The following COL14A1 variants were observed in gnomAD, a reference collection of about 807,000 sequenced individuals.
The protein encoded by COL14A1 is collagen type XIV alpha 1 chain.
A neutral mutation model predicts 230.3 loss-of-function variants in COL14A1; 136 were observed. The observed-to-expected ratio is 0.59, with a 90% CI of 0.51 to 0.68. The LOEUF (loss-of-function observed/expected upper bound fraction) is 0.68. Among genes scored for constraint, COL14A1 ranks in the 30% least tolerant of loss-of-function variants. The pLI is 0.00. For missense variants in COL14A1, 1,976 were observed against 2,215.8 expected, an observed-to-expected ratio of 0.89 and a Z score of 2.17; for synonymous variants, 792 against 784.1, an observed-to-expected ratio of 1.01 and a Z score of -0.17.
Position 120,160,382 on chromosome 8 carries a change from A to G in COL14A1, c.206-2044A>G, listed in dbSNP as rs113405732. Among the ~76,000 whole-genome samples the G allele has an allele frequency of 5.8e-3, 883 of 152,184 alleles. 9 individuals carry two copies. Among genetic ancestry groups the G allele is most frequent in the African/African-American group, 0.018 (757 of 41,532 alleles). ...CTTAACTTTTTTTGATTAATTGCTG[A>G]TAATACCAAACTATTAAGTACCCCC... On this transcript the variant is annotated intron_variant, in intron 3 of 47. Transcript: ENST00000297848.
At chr8:120,267,301 T>C (rs991631439) in intron 25 of COL14A1, among the ~76,000 whole-genome samples, 1 of 151,962 alleles carries the variant, frequency 6.6e-6, no homozygotes, top group African/African-American at 2.4e-5. Context: ...GCCATTAAGG[T>C]AACTTTAAAA....
At chr8:120,221,448 T>A (rs895659699) in intron 14 of COL14A1, among the ~76,000 whole-genome samples, 1 of 152,132 alleles carries the variant, frequency 6.6e-6, no homozygotes, top group African/African-American at 2.4e-5. Flanking sequence ...TACCTAAAGG[T>A]CTTCATTAGA....
intron 19 of COL14A1, among the ~76,000 whole-genome samples, chr8:120,242,644 G>A (rs1303155030): frequency 1.3e-5 from 2 of 152,152 alleles, no homozygotes; most frequent in African/African-American, 4.8e-5. Context: ...ATAAAGCAGA[G>A]CTTCTTTGTA....
intron 1 of COL14A1, among the ~76,000 whole-genome samples, chr8:120,145,093 G>A (rs1235752767): frequency 1.3e-5 from 2 of 152,110 alleles, no homozygotes; most frequent in Non-Finnish European, 2.9e-5. Context: ...CAGTTATTTT[G>A]TTTAAAAAAA....
At chr8:120,369,528 TTTTAGTATGC>T in intron 47 of COL14A1, 43 bp downstream of exon 47, 1 of 1,487,948 alleles carries the variant, frequency 6.7e-7, no homozygotes, top group Non-Finnish European at 9.0e-7. Flanking sequence ...TTGATCAATG[TTTTAGTATGC>T]TTAGTACCAA....
In COL14A1 at chr8:120,138,736, G is replaced by A. The variant is rs997396803; in HGVS notation, c.-37-9070G>A. On this transcript the variant is annotated intron_variant, in intron 1 of 47. Coordinates refer to ENST00000297848, the MANE Select transcript of COL14A1 (RefSeq NM_021110.4). ...AATCCTTTTATGATTCTGGATGTGA[G>A]GAGGGTAGTATTTCAATAGTGAGAA... Among the ~76,000 whole-genome samples, 7 of 152,272 alleles carry A rather than the reference G, an allele frequency of 4.6e-5. No homozygotes were observed. The East Asian group carries it at 1.4e-3, about 29-fold the overall frequency.
intron 7 of COL14A1, among the ~76,000 whole-genome samples, chr8:120,199,034 C>T (rs369184802): frequency 6.2e-4 from 95 of 152,216 alleles, no homozygotes; most frequent in African/African-American, 2.1e-3. Context: ...TAGAATATCA[C>T]GAACAAAATT....
intron 14 of COL14A1, among the ~76,000 whole-genome samples, chr8:120,222,059 G>A (rs6988293): frequency 0.41 from 62,677 of 151,982 alleles, 13,264 homozygotes; most frequent in Middle Eastern, 0.49. Context: ...TAAGAGCATA[G>A]GATTTAGAGC....
chr8:120,145,874 A>G (rs7816787), intron 1 of COL14A1, among the ~76,000 whole-genome samples: 1,583 of 152,312 alleles, frequency 0.01, 28 homozygotes, highest in African/African-American at 0.036. Flanking sequence ...AAATAATAAC[A>G]AAAGATGTAT....
At chr8:120,216,098 C>G (rs927003163) in intron 13 of COL14A1, among the ~76,000 whole-genome samples, 1 of 152,070 alleles carries the variant, frequency 6.6e-6, no homozygotes, top group African/African-American at 2.4e-5. Flanking sequence ...GAAAATTTAC[C>G]TAAATCCTAT....
In COL14A1 at chr8:120,226,657, T is replaced by C. The variant is rs1286515446; in HGVS notation, c.1895T>C (p.Ile632Thr). 1 of 1,613,342 alleles carries C rather than the reference T, an allele frequency of 6.2e-7. No homozygotes were observed. ...EEVPAQQYLE[I>T]DEVTTDSFRV... Reference sequence around the variant, plus strand: ...GTTCCAGCCCAGCAATACTTAGAAATTGATGAGGTGACGACAGACAGTTTT... The same window carrying C: ...GTTCCAGCCCAGCAATACTTAGAAACTGATGAGGTGACGACAGACAGTTTT... The change falls in exon 16 of 48, where the codon ATT (isoleucine) becomes ACT (threonine). Residue 632 changes from isoleucine to threonine, a missense_variant. Around this residue, in one of 3 missense-constraint regions of COL14A1, gnomAD observed 1,791 missense variants for 2,019.5 expected, o/e 0.89. Transcript: ENST00000297848.
At chr8:120,343,840 A>C (rs915609694) in intron 44 of COL14A1, among the ~76,000 whole-genome samples, 2 of 152,212 alleles carry the variant, frequency 1.3e-5, no homozygotes, top group Admixed American at 1.3e-4. Flanking sequence ...TTCTGATTTC[A>C]AGTGTACAAT....
chr8:120,252,850 G>A (rs1311636024), intron 22 of COL14A1, among the ~76,000 whole-genome samples: 2 of 152,024 alleles, frequency 1.3e-5, no homozygotes, highest in Non-Finnish European at 2.9e-5. Context: ...AGACCCCAGC[G>A]CCCCCCGATT....
At chr8:120,249,689 A>G (rs541779214) in intron 21 of COL14A1, among the ~76,000 whole-genome samples, 1 of 152,292 alleles carries the variant, frequency 6.6e-6, no homozygotes, top group African/African-American at 2.4e-5. Context: ...ACATGCTACA[A>G]TGGACAGTAC....
chr8:120,262,032 C>A (rs1428557955), intron 23 of COL14A1, among the ~76,000 whole-genome samples: 2 of 152,040 alleles, frequency 1.3e-5, no homozygotes, highest in Admixed American at 1.3e-4. Flanking sequence ...GCTTCTGAGA[C>A]CCATACCTGT....
At chr8:120,276,604 G>C (rs561602679) in intron 26 of COL14A1, among the ~76,000 whole-genome samples, 1 of 151,848 alleles carries the variant, frequency 6.6e-6, no homozygotes, top group East Asian at 2.0e-4. Context: ...TTCTGTCCTT[G>C]TGATAGTTTG....
rs376034648 is a variant in COL14A1 at position 120,168,256 on chromosome 8, C to T, written c.436+9C>T. 2.5e-4 allele frequency: 397 copies of T among 1,591,564 alleles called. 4 individuals carry two copies. In the South Asian group the frequency reaches 3.9e-3, roughly 16 times the overall value. ...ACCATCTTCACCAGAAGGTCAGAGA[C>T]GATTTTAATTAACTCATATTGGGAG... On this transcript the variant is annotated intron_variant, in intron 5 of 47. Transcript: ENST00000297848.
chr8:120,334,581 CAA>C (rs375730013), intron 42 of COL14A1, among the ~76,000 whole-genome samples: 2,257 of 129,502 alleles, frequency 0.017, 32 homozygotes, highest in Admixed American at 0.029. Flanking sequence ...CGTTCACACA[CAA>C]AAACACACAC....
chr8:120,243,899 G>C lies in COL14A1; in HGVS notation c.2370G>C (p.Gln790His). ...TTCAGGTTATGGTGCCTGGAAGCCA[G>C]AACAACCTCCTTCTGAAGCCTCTGC... The part of the protein sequence containing the change: ...VIGTVMVPGS[Q>H]NNLLLKPLLP... Residue 790 changes from glutamine (Q) to histidine (H), a missense_variant, in exon 20 of 48, where the codon CAG becomes CAC. By Grantham distance (24) the Gln-to-His change is conservative (BLOSUM62 0). This residue lies in a region of COL14A1 where 1,791 missense variants were observed against 2,019.5 expected (regional missense o/e 0.89). Coordinates refer to ENST00000297848, the MANE Select transcript of COL14A1 (RefSeq NM_021110.4). The C allele has an allele frequency of 6.2e-7, 1 of 1,613,504 alleles. No individual in the cohort carries two copies. Among genetic ancestry groups the C allele is most frequent in the Non-Finnish European group, 8.5e-7 (1 of 1,179,636 alleles).
Sources: allele counts gnomAD v4.1 joint callset (sites outside exome capture counted in the v4.1 genomes callset), GRCh38; gene constraint gnomAD v4.1.1; regional missense constraint gnomAD v4.1.1; transcripts MANE v1.5; gene names NCBI Gene and HGNC (gene_info 2026-07-23, HGNC 2026-07-21).